Variants in ANKS1B observed in about 807,000 individuals in gnomAD.
ANKS1B encodes ankyrin repeat and sterile alpha motif domain containing 1B.
Under a neutral mutation model 148.3 loss-of-function variants are expected in ANKS1B, and 36 were observed. The ratio of observed to expected loss-of-function variants is 0.24; its 90% confidence interval spans 0.19 to 0.32. The LOEUF (loss-of-function observed/expected upper bound fraction) is 0.32, where lower values mean the gene tolerates loss of function less well. Among genes scored for constraint, ANKS1B ranks in the 10% least tolerant of loss-of-function variants. The probability of loss-of-function intolerance (pLI) is 1.00; values close to 1 mark genes in which losing one functional copy is unlikely to be tolerated. For missense variants in ANKS1B, 1,157 were observed against 1,542.6 expected (o/e 0.75, Z 4.19); for synonymous variants, 542 against 560.8 (o/e 0.97, Z 0.47).
At chr12:99,174,366 T>C (rs777128449) in intron 14 of ANKS1B, among the ~76,000 whole-genome samples, 1 of 152,244 alleles carries the variant, frequency 6.6e-6, no homozygotes, top group South Asian at 2.1e-4. Context: ...TCTAGATTCC[T>C]GACCCACAGA....
At chr12:99,847,594 T>C (rs2086899225) in intron 1 of ANKS1B, among the ~76,000 whole-genome samples, 1 of 152,214 alleles carries the variant, frequency 6.6e-6, no homozygotes, top group Admixed American at 6.5e-5. Context: ...CATTAAGTCA[T>C]TCCCTTTTTG....
chr12:99,694,242 C>T (rs1020691937), intron 8 of ANKS1B, among the ~76,000 whole-genome samples: 1 of 150,498 alleles, frequency 6.6e-6, no homozygotes, highest in African/African-American at 2.4e-5. Flanking sequence ...AGTTCGAGAC[C>T]AGCCTGGCCA....
At chr12:99,240,211 G>A (rs567486409) in intron 14 of ANKS1B, among the ~76,000 whole-genome samples, 86 of 152,224 alleles carry the variant, frequency 5.6e-4, no homozygotes, top group African/African-American at 2.1e-3. Context: ...ATAAAGGGAT[G>A]GAGGAAGATC....
intron 14 of ANKS1B, among the ~76,000 whole-genome samples, chr12:99,184,733 A>C (rs574478073): frequency 6.6e-6 from 1 of 152,370 alleles, no homozygotes; most frequent in East Asian, 1.9e-4. Flanking sequence ...ATTTCATGAA[A>C]GAATGAATGG....
chr12:98,931,462 C>T (rs1173640420), intron 17 of ANKS1B, among the ~76,000 whole-genome samples: 1 of 152,126 alleles, frequency 6.6e-6, no homozygotes, highest in Non-Finnish European at 1.5e-5. Flanking sequence ...ATAGACACTC[C>T]TTTCTCCTGT....
At chr12:99,613,027 T>C (rs1042116603) in intron 9 of ANKS1B, among the ~76,000 whole-genome samples, 1 of 152,094 alleles carries the variant, frequency 6.6e-6, no homozygotes, top group Non-Finnish European at 1.5e-5. Flanking sequence ...AATTCAAATA[T>C]CTGTGGCACA....
chr12:99,920,946 T>A (rs2094333291), intron 1 of ANKS1B, among the ~76,000 whole-genome samples: 1 of 152,174 alleles, frequency 6.6e-6, no homozygotes, highest in Non-Finnish European at 1.5e-5. Context: ...CTAGAAATAA[T>A]GTTTTACCAC....
intron 10 of ANKS1B, among the ~76,000 whole-genome samples, chr12:99,493,596 A>C (rs1231270037): frequency 4.6e-5 from 7 of 152,158 alleles, no homozygotes. Flanking sequence ...TTCCAGCTAA[A>C]AGTCACAAGA....
intron 14 of ANKS1B, among the ~76,000 whole-genome samples, chr12:99,169,987 G>C (rs2077582067): frequency 6.6e-6 from 1 of 152,102 alleles, no homozygotes; most frequent in South Asian, 2.1e-4. Flanking sequence ...TGTTTTAAAA[G>C]GGCTTCTTGG....
intron 8 of ANKS1B, among the ~76,000 whole-genome samples, chr12:99,672,873 GA>G (rs1364656695): frequency 2.0e-5 from 3 of 152,084 alleles, no homozygotes; most frequent in Non-Finnish European, 4.4e-5. Flanking sequence ...GAAATGATAA[GA>G]AAAGAAAAGG....
At chr12:99,192,498 A>T (rs1322667924) in intron 14 of ANKS1B, among the ~76,000 whole-genome samples, 1 of 152,166 alleles carries the variant, frequency 6.6e-6, no homozygotes, top group South Asian at 2.1e-4. Flanking sequence ...TACTTTATTA[A>T]AAGTTATATT....
intron 1 of ANKS1B, among the ~76,000 whole-genome samples, chr12:99,928,266 A>ATTTTTTTTTTTTTTT (rs1355468782): frequency 1.2e-5 from 1 of 81,096 alleles, no homozygotes; most frequent in African/African-American, 6.3e-5. Context: ...ATTTTATTTT[A>ATTTTTTTTTTTTTTT]TTTTATTTTT....
chr12:98,829,390 C>A lies in ANKS1B; in HGVS notation c.2887-37G>T. ...TACATCATGAAATAAATACCATGTTCTGTGGCTAACCTTTGGTTTCAAAAT... is the reference window on the plus strand; with the variant it reads ...TACATCATGAAATAAATACCATGTTATGTGGCTAACCTTTGGTTTCAAAAT... On this transcript the variant is annotated intron_variant, in intron 18 of 26. Coordinates refer to ENST00000683438, the MANE Select transcript of ANKS1B (RefSeq NM_001352186.2). The surrounding 1 kb of genome is among the most constrained non-coding windows in gnomAD (Gnocchi z 5.2). The A allele has an allele frequency of 6.3e-7, 1 of 1,594,102 alleles. No homozygotes were observed. Among genetic ancestry groups the A allele is most frequent in the South Asian group, 1.1e-5 (1 of 88,716 alleles).
chr12:98,865,365 A>G (rs1309894949), intron 17 of ANKS1B, among the ~76,000 whole-genome samples: 1 of 152,188 alleles, frequency 6.6e-6, no homozygotes, highest in Non-Finnish European at 1.5e-5. Context: ...AAAATTTGGC[A>G]TCATCCATGC....
intron 12 of ANKS1B, among the ~76,000 whole-genome samples, chr12:99,381,931 C>T (rs2093657478): frequency 6.6e-6 from 1 of 152,118 alleles, no homozygotes. Flanking sequence ...CAAAACTGCT[C>T]ACTAAATTAT....
intron 17 of ANKS1B, among the ~76,000 whole-genome samples, chr12:98,895,783 G>C (rs552088629): frequency 6.6e-6 from 1 of 152,154 alleles, no homozygotes. Context: ...CTTTGGCAAA[G>C]GTTTTGTGTT....
chr12:99,560,840 C>CTTTTTTTTTTTTT (rs58588885), intron 9 of ANKS1B, among the ~76,000 whole-genome samples: 5 of 71,926 alleles, frequency 7.0e-5, no homozygotes, highest in Non-Finnish European at 1.1e-4. Flanking sequence ...TTTCTTTTTT[C>CTTTTTTTTTTTTT]TTTTTTTTTT....
At chr12:99,574,902 G>T (rs898992873) in intron 9 of ANKS1B, among the ~76,000 whole-genome samples, 9 of 152,028 alleles carry the variant, frequency 5.9e-5, no homozygotes, top group Non-Finnish European at 1.3e-4. Context: ...TTACCATCGT[G>T]CCAGAGGTTC....
chr12:99,682,434 TAAAATTG>T (rs1481269240), intron 8 of ANKS1B, among the ~76,000 whole-genome samples: 3 of 151,902 alleles, frequency 2.0e-5, no homozygotes, highest in African/African-American at 7.3e-5. Context: ...CACAGTGCAA[TAAAATTG>T]GAACAAAAGG....
Sources: gnomAD v4.1 joint callset for allele counts (sites outside exome capture counted in the v4.1 genomes callset) on GRCh38, gnomAD v4.1.1 for gene constraint, Gnocchi (gnomAD v3.1) non-coding constraint, MANE v1.5 for transcripts, NCBI Gene and HGNC (gene_info 2026-07-23, HGNC 2026-07-21) for gene names.